DOCK5: variants seen among roughly 807,000 people sequenced by gnomAD.
DOCK5 encodes the protein dedicator of cytokinesis protein 5.
A neutral mutation model predicts 251.8 loss-of-function variants in DOCK5; 142 were observed. The observed-to-expected ratio is 0.56, with a 90% confidence interval of 0.49 to 0.65. The LOEUF is 0.65. Among genes scored for constraint, DOCK5 ranks in the 30% least tolerant of loss-of-function variants. The pLI is 0.00. For missense variants in DOCK5, 2,111 were observed against 2,312.3 expected (o/e 0.91, Z 1.79); for synonymous variants, 842 against 835.5 (o/e 1.01, Z -0.13).
rs188561851 is a variant in DOCK5, at chr8:25,395,932, G to A, written c.4704+213G>A. 3.1e-4 allele frequency: 208 copies of A among 665,552 alleles called. 1 individual carries two copies. The highest frequency in any genetic ancestry group is 1.6e-3 in the African/African-American group (89 of 54,946). 41.2% of individuals were successfully genotyped at this position (665,552 alleles called of 1,614,324 possible). A position where few individuals can be genotyped will look rare whatever the true frequency, so the allele number is the denominator to read the frequency against. On this transcript the variant is annotated intron_variant, in intron 45 of 51. Transcript: ENST00000276440. Reference sequence around the variant, plus strand: ...TGGTATAGAACTTACCTAGTAAAGCGTCACAGAAAAAAAACCAACATGCCT... The same window carrying A: ...TGGTATAGAACTTACCTAGTAAAGCATCACAGAAAAAAAACCAACATGCCT...
Position 25,332,240 on chromosome 8 carries a change from G to T in DOCK5, c.1904-11G>T, listed in dbSNP as rs752026299. On this transcript the variant is annotated splice_polypyrimidine_tract_variant and intron_variant, in intron 18 of 51. Coordinates refer to ENST00000276440, the MANE Select transcript of DOCK5 (RefSeq NM_024940.8). ...TCACCTGTATCTAATGTTTGTGGTTGTTCTTCCTAGTTGACCTGTTAGGCT... is the reference window on the plus strand; with the variant it reads ...TCACCTGTATCTAATGTTTGTGGTTTTTCTTCCTAGTTGACCTGTTAGGCT... 1 of 1,608,688 alleles carries T rather than the reference G, an allele frequency of 6.2e-7. No homozygotes were observed.
chr8:25,190,886 C>T (rs1801567494), intron 1 of DOCK5, among the ~76,000 whole-genome samples: 2 of 150,228 alleles, frequency 1.3e-5, no homozygotes, highest in Admixed American at 1.3e-4. Context: ...CGGGTTCACG[C>T]CATTCTCCTG....
intron 27 of DOCK5, among the ~76,000 whole-genome samples, chr8:25,358,547 T>C (rs1265867385): frequency 6.6e-6 from 1 of 152,156 alleles, no homozygotes; most frequent in African/African-American, 2.4e-5. Context: ...ATGCTCAGTG[T>C]TGCCACCTCT....
At chr8:25,258,085 G>A (rs1030572350) in intron 2 of DOCK5, among the ~76,000 whole-genome samples, 13 of 152,132 alleles carry the variant, frequency 8.5e-5, no homozygotes, top group African/African-American at 2.4e-4. Flanking sequence ...TACAGGAAGT[G>A]TTATTTCCTT....
At position 25,289,592 on chromosome 8, in the gene DOCK5, C is replaced by T. The variant is rs1225913423; in HGVS notation, c.322-2432C>T. Among the ~76,000 whole-genome samples, 4 of 151,948 alleles carry T rather than the reference C, an allele frequency of 2.6e-5. No homozygotes were observed. The South Asian group carries it at 8.3e-4, about 32-fold the overall frequency. On this transcript the variant is annotated intron_variant, in intron 5 of 51. Coordinates refer to ENST00000276440, the MANE Select transcript of DOCK5 (RefSeq NM_024940.8). Reference sequence around the variant, plus strand: ...GCGTGGTGGCTCACGCCTATAATCCCAGCACTTTGGGAGACTGAGGCAGGC... The same window carrying T: ...GCGTGGTGGCTCACGCCTATAATCCTAGCACTTTGGGAGACTGAGGCAGGC...
At chr8:25,291,497 A>G (rs919422215) in intron 5 of DOCK5, among the ~76,000 whole-genome samples, 3 of 150,520 alleles carry the variant, frequency 2.0e-5, no homozygotes, top group Non-Finnish European at 4.4e-5. Context: ...AGCCTGGCCA[A>G]CGTGATGAAA....
At chr8:25,385,126 G>A (rs945842761) in intron 40 of DOCK5, among the ~76,000 whole-genome samples, 1 of 152,150 alleles carries the variant, frequency 6.6e-6, no homozygotes. Flanking sequence ...GAGCTGGGGT[G>A]CCAGCGGGGA....
intron 34 of DOCK5, 54 bp from the exon 35 acceptor site, chr8:25,372,505 T>A: frequency 1.3e-6 from 2 of 1,524,630 alleles, no homozygotes; most frequent in Non-Finnish European, 1.8e-6. Context: ...TGGTCAGTGC[T>A]GCTGGAATGA....
chr8:25,332,631 T>C lies in DOCK5; in HGVS notation c.2030T>C (p.Phe677Ser). The part of the protein sequence containing the change: ...KFLQDTLDAL[F>S]NIMMEMSDSE... ...TTGCAAGATACACTAGATGCACTCTTTAACATAATGATGGAAATGTCAGAC... is the reference window on the plus strand; with the variant it reads ...TTGCAAGATACACTAGATGCACTCTCTAACATAATGATGGAAATGTCAGAC... The change falls in exon 20 of 52, where the codon TTT becomes TCT. Residue 677 changes from phenylalanine (F) to serine (S), a missense_variant. Phe to Ser is a radical substitution (Grantham distance 155). Around this residue, in one of 3 missense-constraint regions of DOCK5, gnomAD observed 1,717 missense variants for 1,892.4 expected, o/e 0.91. Transcript: ENST00000276440. 1 of 1,612,494 alleles carries C rather than the reference T, an allele frequency of 6.2e-7. No individual in the cohort carries two copies. Among genetic ancestry groups the C allele is most frequent in the East Asian group, 2.2e-5 (1 of 44,792 alleles).
intron 40 of DOCK5, among the ~76,000 whole-genome samples, chr8:25,384,185 G>A (rs1338450097): frequency 6.6e-6 from 1 of 152,158 alleles, no homozygotes; most frequent in Non-Finnish European, 1.5e-5. Flanking sequence ...TTAAAAGGCT[G>A]CGTACTCTGT....
intron 51 of DOCK5, among the ~76,000 whole-genome samples, chr8:25,410,701 A>G (rs1038507588): frequency 1.2e-4 from 7 of 59,580 alleles, no homozygotes; most frequent in African/African-American, 3.4e-4. Flanking sequence ...GCCTCAAGTG[A>G]TCCCCCCCAC....
intron 7 of DOCK5, among the ~76,000 whole-genome samples, chr8:25,297,896 T>A (rs189704929): frequency 1.3e-4 from 20 of 151,664 alleles, no homozygotes; most frequent in African/African-American, 4.6e-4. Flanking sequence ...CTACAAAAAA[T>A]TTTTTAAAAA....
chr8:25,239,521 C>T (rs893999444), intron 1 of DOCK5, among the ~76,000 whole-genome samples: 2 of 152,066 alleles, frequency 1.3e-5, no homozygotes, highest in Non-Finnish European at 2.9e-5. Flanking sequence ...GACCTCACTA[C>T]TTCCTGTTTT....
chr8:25,364,942 T>C (rs1800750384), intron 30 of DOCK5, among the ~76,000 whole-genome samples: 1 of 152,094 alleles, frequency 6.6e-6, no homozygotes. Flanking sequence ...TAAAGAGTAA[T>C]AGTAGAAGAT....
At chr8:25,225,273 G>A (rs1802499449) in intron 1 of DOCK5, among the ~76,000 whole-genome samples, 1 of 152,176 alleles carries the variant, frequency 6.6e-6, no homozygotes, top group Non-Finnish European at 1.5e-5. Flanking sequence ...TGAAAGCAGG[G>A]TCTGGAGGAG....
Position 25,411,266 on chromosome 8 carries a change from G to GGCATCCCTACTTCCGA in DOCK5, c.5584_5599dup (p.Pro1867HisfsTer22). On this transcript the variant is annotated frameshift_variant, in exon 52 of 52. Coordinates refer to ENST00000276440, the MANE Select transcript of DOCK5 (RefSeq NM_024940.8). LOFTEE classifies it high-confidence loss of function. Reference sequence around the variant, plus strand: ...TCCACCTCCAAAGGCTCGGAAGTCTGGCATCCCTACTTCCGAGCCTGGATC... The same window carrying GGCATCCCTACTTCCGA: ...TCCACCTCCAAAGGCTCGGAAGTCTGGCATCCCTACTTCCGAGCATCCCTACTTCCGAGCCTGGATC... 6.3e-7 allele frequency: 1 copy of GGCATCCCTACTTCCGA among 1,578,470 alleles called. No homozygotes were observed. Among genetic ancestry groups the GGCATCCCTACTTCCGA allele is most frequent in the Non-Finnish European group, 8.6e-7 (1 of 1,164,920 alleles).
rs754251692 is a variant in DOCK5 at position 25,399,897 on chromosome 8, A to G, written c.4705-14A>G. 3.1e-6 allele frequency: 5 copies of G among 1,604,596 alleles called. No individual in the cohort carries two copies. The highest frequency in any genetic ancestry group is 1.1e-5 in the South Asian group (1 of 89,570). On this transcript the variant is annotated splice_polypyrimidine_tract_variant and intron_variant, in intron 45 of 51. Coordinates refer to ENST00000276440, the MANE Select transcript of DOCK5 (RefSeq NM_024940.8). ...AATGTGTTCTAATTAAAACTTGCAT[A>G]TGCTTTTTTTTAGGCTTTTTTTACA...
chr8:25,206,568 C>A (rs934063251), intron 1 of DOCK5, among the ~76,000 whole-genome samples: 3 of 152,130 alleles, frequency 2.0e-5, no homozygotes, highest in Admixed American at 1.3e-4. Context: ...TCCTACATGA[C>A]AAATAGTTAC....
rs1805361153 is a variant in DOCK5 at position 25,319,456 on chromosome 8, C to G, written c.1444-122C>G. 5.3e-6 allele frequency: 3 copies of G among 563,406 alleles called. No homozygotes were observed. The Admixed American group carries it at 9.7e-5, about 18-fold the overall frequency. 34.9% of individuals were successfully genotyped at this position (563,406 alleles called of 1,614,324 possible). A position where few individuals can be genotyped will look rare whatever the true frequency, so the allele number is the denominator to read the frequency against. ...CATCCCCCAAACTTAATCAGCCGAT[C>G]AGTGCCAGTGTAGGGCATGTGTGGA... On this transcript the variant is annotated intron_variant, in intron 14 of 51. Transcript: ENST00000276440.
Sources: gnomAD v4.1 joint callset for allele counts (sites outside exome capture counted in the v4.1 genomes callset) on GRCh38, gnomAD v4.1.1 for gene constraint, gnomAD v4.1.1 regional missense constraint, MANE v1.5 for transcripts, NCBI Gene and HGNC (gene_info 2026-07-23, HGNC 2026-07-21) for gene names.